The following ESRRG variants were observed in gnomAD, a reference collection of about 807,000 sequenced individuals.
ESRRG encodes estrogen related receptor gamma.
A neutral mutation model predicts 44.0 loss-of-function variants in ESRRG; 13 were observed. The observed-to-expected ratio is 0.30, with a 90% CI of 0.19 to 0.47. The LOEUF is 0.47. Ranked by LOEUF, ESRRG falls within the 20% of genes least tolerant of loss-of-function variation. ESRRG has a pLI of 1.00. For missense variants in ESRRG, 395 were observed against 580.6 expected (o/e 0.68, Z 3.29); for synonymous variants, 215 against 214.6 (o/e 1.00, Z -0.02).
At chr1:216,893,562 C>T (rs2058069937) in intron 2 of ESRRG, among the ~76,000 whole-genome samples, 1 of 152,110 alleles carries the variant, frequency 6.6e-6, no homozygotes, top group African/African-American at 2.4e-5. Context: ...CAGTGTCTGG[C>T]AAGCAGTAAG....
chr1:216,861,472 C>A (rs1405540501), intron 2 of ESRRG, among the ~76,000 whole-genome samples: 1 of 151,960 alleles, frequency 6.6e-6, no homozygotes, highest in Non-Finnish European at 1.5e-5. Context: ...CAAAATATCA[C>A]ACTGCATCTC....
intron 1 of ESRRG, among the ~76,000 whole-genome samples, chr1:216,994,224 G>C (rs886684944): frequency 6.6e-6 from 1 of 152,142 alleles, no homozygotes; most frequent in Non-Finnish European, 1.5e-5. Context: ...TTCAAATTTT[G>C]TCTAGACATT....
At chr1:217,022,554 A>G (rs2080496783) in intron 1 of ESRRG, among the ~76,000 whole-genome samples, 2 of 152,064 alleles carry the variant, frequency 1.3e-5, no homozygotes, top group African/African-American at 4.8e-5. Context: ...CTTTATGGCT[A>G]ATGAGTTTTT....
chr1:217,110,008 C>A (rs1251877357), intron 1 of ESRRG, among the ~76,000 whole-genome samples: 1 of 152,112 alleles, frequency 6.6e-6, no homozygotes, highest in African/African-American at 2.4e-5. Context: ...TAATTCTAAG[C>A]CCATCTGCCT....
intron 1 of ESRRG, among the ~76,000 whole-genome samples, chr1:217,017,160 A>G (rs1346317133): frequency 1.3e-5 from 2 of 152,168 alleles, no homozygotes; most frequent in African/African-American, 4.8e-5. Context: ...AGCTTATCCA[A>G]TGACCAGTTG....
rs1261197856 is a variant in ESRRG at position 216,786,002 on chromosome 1, C to A, written c.-13-108511G>T. On this transcript the variant is annotated intron_variant, in intron 2 of 7. Coordinates refer to the ESRRG transcript ENST00000359162. ...GATCATAGTGGTGGGAGTTTAGGAACAGTACAATCAATGGAATGGAACAGA... is the reference window on the plus strand; with the variant it reads ...GATCATAGTGGTGGGAGTTTAGGAAAAGTACAATCAATGGAATGGAACAGA... Among the ~76,000 whole-genome samples, 5 of 152,044 alleles carry A rather than the reference C, an allele frequency of 3.3e-5. 1 individual carries two copies. The highest frequency in any genetic ancestry group is 4.4e-5 in the Non-Finnish European group (3 of 68,010).
chr1:216,630,497 G>T (rs11117637), intron 3 of ESRRG, among the ~76,000 whole-genome samples: 2 of 151,588 alleles, frequency 1.3e-5, no homozygotes, highest in Non-Finnish European at 2.9e-5. Context: ...ATAGGAAAAG[G>T]CGTCTACCTC....
intron 1 of ESRRG, among the ~76,000 whole-genome samples, chr1:217,055,553 T>A (rs1045740878): frequency 6.6e-6 from 1 of 152,152 alleles, no homozygotes; most frequent in African/African-American, 2.4e-5. Flanking sequence ...GCAACCTTCA[T>A]GTACCCCAAA....
At chr1:216,573,297 T>C (rs1368588537) in intron 3 of ESRRG, among the ~76,000 whole-genome samples, 1 of 152,002 alleles carries the variant, frequency 6.6e-6, no homozygotes, top group East Asian at 1.9e-4. Flanking sequence ...AGTTTGCTAG[T>C]CAGAATGGTT....
intron 2 of ESRRG, among the ~76,000 whole-genome samples, chr1:216,887,023 C>T (rs1310519517): frequency 2.6e-5 from 4 of 152,134 alleles, no homozygotes; most frequent in Non-Finnish European, 4.4e-5. Context: ...CTGGTGTGAG[C>T]CACGTCGCCC....
chr1:216,890,122 G>C (rs1034507012), intron 2 of ESRRG, among the ~76,000 whole-genome samples: 4 of 151,948 alleles, frequency 2.6e-5, no homozygotes, highest in Admixed American at 6.6e-5. Context: ...AAAATTAGCT[G>C]TATGTGCTGG....
At chr1:216,596,544 T>C (rs1357424849) in intron 3 of ESRRG, among the ~76,000 whole-genome samples, 1 of 151,822 alleles carries the variant, frequency 6.6e-6, no homozygotes, top group Non-Finnish European at 1.5e-5. Context: ...GGAGGGAGAG[T>C]GGGAGGAGAA....
chr1:216,604,942 C>G lies in ESRRG; in HGVS notation c.590-36844G>C, dbSNP rs79953520. Among the ~76,000 whole-genome samples the G allele has an allele frequency of 1.7e-4, 26 of 152,270 alleles. No homozygotes were observed. In the East Asian group the frequency reaches 4.8e-3, roughly 28 times the overall value. ...ATATATTGAAACTCTAGCCCTCTGC[C>G]TAGCTTTAGGGCTTCTTTGGCTCAT... On this transcript the variant is annotated intron_variant, in intron 3 of 6. Transcript: ENST00000408911.
intron 2 of ESRRG, among the ~76,000 whole-genome samples, chr1:216,782,357 TTCTC>T (rs2093966404): frequency 1.3e-5 from 2 of 152,044 alleles, no homozygotes; most frequent in Admixed American, 6.6e-5. Context: ...GATAAGTATT[TTCTC>T]TCTGTCTCTG....
intron 2 of ESRRG, among the ~76,000 whole-genome samples, chr1:216,937,969 C>A (rs2064445454): frequency 6.8e-6 from 1 of 147,966 alleles, no homozygotes; most frequent in Non-Finnish European, 1.5e-5. Context: ...AGGTGTTTTT[C>A]TTGGGAAACT....
chr1:216,804,313 A>T (rs2094716714), intron 2 of ESRRG, among the ~76,000 whole-genome samples: 1 of 152,138 alleles, frequency 6.6e-6, no homozygotes, highest in South Asian at 2.1e-4. Flanking sequence ...AACTGAGCAA[A>T]GATTTGCTCT....
rs1477126620 is a variant in ESRRG at position 216,677,063 on chromosome 1, G to T, written c.472+13C>A. ...TTGGAAGTGGGGAGAGTATTCCCAGGTCCGACACTAACCTTGAATTGTCCT... is the reference window on the plus strand; with the variant it reads ...TTGGAAGTGGGGAGAGTATTCCCAGTTCCGACACTAACCTTGAATTGTCCT... On this transcript the variant is annotated intron_variant, in intron 2 of 6. Transcript: ENST00000408911. The T allele has an allele frequency of 6.2e-7, 1 of 1,606,518 alleles. No individual in the cohort carries two copies. The highest frequency in any genetic ancestry group is 8.5e-7 in the Non-Finnish European group (1 of 1,174,058).
chr1:216,697,275 A>G (rs1303006714), intron 1 of ESRRG, among the ~76,000 whole-genome samples: 3 of 152,084 alleles, frequency 2.0e-5, no homozygotes, highest in Admixed American at 2.0e-4. Flanking sequence ...CCCAAATATC[A>G]TGTTTAATTT....
At chr1:216,544,752 T>C (rs1278375703) in intron 5 of ESRRG, among the ~76,000 whole-genome samples, 1 of 151,914 alleles carries the variant, frequency 6.6e-6, no homozygotes, top group Non-Finnish European at 1.5e-5. Flanking sequence ...TTGTTTTGTT[T>C]TGTTTTGTTT....
Sources: gnomAD v4.1 joint callset for allele counts (sites outside exome capture counted in the v4.1 genomes callset) on GRCh38, gnomAD v4.1.1 for gene constraint, MANE v1.5 for transcripts, NCBI Gene and HGNC (gene_info 2026-07-23, HGNC 2026-07-21) for gene names.